Variants in GPR37 observed in about 807,000 individuals in gnomAD.
The protein encoded by GPR37 is prosaposin receptor GPR37.
In GPR37, 20 loss-of-function variants were observed where a neutral mutation model predicts 43.6. The observed-to-expected ratio is 0.46, with a 90% CI of 0.32 to 0.67. The LOEUF (loss-of-function observed/expected upper bound fraction) is 0.67. Among genes scored for constraint, GPR37 ranks in the 30% least tolerant of loss-of-function variants. The pLI is 0.03. For synonymous variants in GPR37, 315 were observed against 322.6 expected (o/e 0.98, Z 0.25); for missense variants, 724 against 797.2 (o/e 0.91, Z 1.11).
At chr7:124,761,398 CAT>C (rs1373579154) in intron 1 of GPR37, among the ~76,000 whole-genome samples, 2 of 152,138 alleles carry the variant, frequency 1.3e-5, no homozygotes, top group Non-Finnish European at 2.9e-5. Context: ...ATGACTGGTC[CAT>C]AAAGAGATGT....
At position 124,747,140 on chromosome 7, in the gene GPR37, C is replaced by T; in HGVS notation, c.1227G>A (p.Gly409=). The change falls in exon 2 of 2, where the codon GGG becomes GGA. Residue 409 remains glycine, a synonymous_variant. Transcript: ENST00000303921. ...TTTCTGCCGGAGCTCGGCCACTAAACCCCAAATCCTCCTTGCTCAGCTGGC... is the reference window on the plus strand; with the variant it reads ...TTTCTGCCGGAGCTCGGCCACTAAATCCCAAATCCTCCTTGCTCAGCTGGC... ...VLRQLSKEDL[G]FSGRAPAERC... 1 of 1,613,942 alleles carries T rather than the reference C, an allele frequency of 6.2e-7. No individual in the cohort carries two copies. The highest frequency in any genetic ancestry group is 8.5e-7 in the Non-Finnish European group (1 of 1,179,902).
At chr7:124,762,919 A>G (rs188379422) in intron 1 of GPR37, among the ~76,000 whole-genome samples, 33 of 152,292 alleles carry the variant, frequency 2.2e-4, no homozygotes, top group Admixed American at 2.0e-3. Flanking sequence ...AATGAAATGG[A>G]CAGTCTGAAT....
rs1280215942 is a variant in GPR37 at position 124,764,082 on chromosome 7, G to A, written c.895C>T (p.Leu299Phe). 1.2e-6 allele frequency: 2 copies of A among 1,614,186 alleles called. No homozygotes were observed. Among genetic ancestry groups the A allele is most frequent in the Non-Finnish European group, 8.5e-7 (1 of 1,180,018 alleles). ...TCCCAGAAGGCCAGGTTGGCCAAGA[G>A]GGAGTTGGAGATGCTCCGCATGTAG... Reference protein sequence around the residue: ...NYYMRSISNSLLANLAFWDFL... With the variant: ...NYYMRSISNSFLANLAFWDFL... Residue 299 changes from leucine to phenylalanine, a missense_variant, in exon 1 of 2, where the codon CTC becomes TTC. Leu to Phe is a conservative substitution (Grantham distance 22). Around this residue, in one of 2 missense-constraint regions of GPR37, gnomAD observed 342 missense variants for 441.8 expected, o/e 0.77. Transcript: ENST00000303921. The surrounding 1 kb of genome is among the most constrained non-coding windows in gnomAD (Gnocchi z 5.4).
At chr7:124,759,713 G>A (rs1345122492) in intron 1 of GPR37, among the ~76,000 whole-genome samples, 2 of 152,138 alleles carry the variant, frequency 1.3e-5, no homozygotes, top group East Asian at 1.9e-4. Context: ...AAAGGGAAAA[G>A]TCATCAACTA....
intron 1 of GPR37, among the ~76,000 whole-genome samples, chr7:124,752,896 C>T (rs1008019022): frequency 1.3e-5 from 2 of 151,926 alleles, no homozygotes; most frequent in Non-Finnish European, 2.9e-5. Context: ...GGAAAGAGAA[C>T]TTGAAGACCA....
At position 124,764,776 on chromosome 7, in the gene GPR37, CA is replaced by C; in HGVS notation, c.200del (p.Leu67ArgfsTer104). On this transcript the variant is annotated frameshift_variant, in exon 1 of 2. Coordinates refer to ENST00000303921, the MANE Select transcript of GPR37 (RefSeq NM_005302.5). LOFTEE classifies it high-confidence loss of function. This position sits in a 1 kb window ranked among gnomAD's most constrained non-coding sequence, Gnocchi z 5.4. ...GCTCCTCCCTGGGTGCTCGGGCTCG[CA>C]GAACGTCTCTTGCAGAATTTCCCGG... is the stretch of plus-strand genomic sequence containing the variant. ...WGPGNSARDV[L>X]RARAPREEQG... is the part of the protein sequence containing the mutation. The C allele has an allele frequency of 6.2e-7, 1 of 1,613,208 alleles. No homozygotes were observed. Among genetic ancestry groups the C allele is most frequent in the Non-Finnish European group, 8.5e-7 (1 of 1,179,984 alleles).
At chr7:124,763,718 G>T (rs1793876631) in intron 1 of GPR37, among the ~76,000 whole-genome samples, 1 of 152,120 alleles carries the variant, frequency 6.6e-6, no homozygotes, top group Admixed American at 6.5e-5. Flanking sequence ...TCTGTATATT[G>T]TGAGATCATC....
chr7:124,765,174 G>A lies in GPR37; in HGVS notation c.-198C>T. 4.1e-6 allele frequency: 2 copies of A among 482,968 alleles called. No individual in the cohort carries two copies. The highest frequency in any genetic ancestry group is 7.7e-5 in the Admixed American group (2 of 26,052). 29.9% of individuals were successfully genotyped at this position (482,968 alleles called of 1,614,324 possible). ...CGCCCCCTATAATCCTTCCTCCTTTGGCATCTTGTGCATTTCTCAGCCAAG... is the reference window on the plus strand; with the variant it reads ...CGCCCCCTATAATCCTTCCTCCTTTAGCATCTTGTGCATTTCTCAGCCAAG... On this transcript the variant is annotated 5_prime_UTR_variant, in exon 1 of 2. Coordinates refer to ENST00000303921, the MANE Select transcript of GPR37 (RefSeq NM_005302.5).
At chr7:124,759,267 C>G (rs962221107) in intron 1 of GPR37, among the ~76,000 whole-genome samples, 3 of 152,000 alleles carry the variant, frequency 2.0e-5, no homozygotes, top group Non-Finnish European at 4.4e-5. Context: ...GAGTTTCGCC[C>G]TGTTGGCCAG....
At position 124,763,942 on chromosome 7, in the gene GPR37, G is replaced by C. The variant is rs1793879857; in HGVS notation, c.1023+12C>G. On this transcript the variant is annotated intron_variant, in intron 1 of 1. Transcript: ENST00000303921. ...TAAAGCCACTAGCTTGAGAGCCCCT[G>C]GAAGGCATTACCTCTATATAGGGCA... The C allele has an allele frequency of 6.2e-7, 1 of 1,611,740 alleles. No homozygotes were observed. Among genetic ancestry groups the C allele is most frequent in the African/African-American group, 1.3e-5 (1 of 74,886 alleles).
At position 124,755,616 on chromosome 7, in the gene GPR37, T is replaced by C. The variant is rs936061198; in HGVS notation, c.1024-8273A>G. Among the ~76,000 whole-genome samples the C allele has an allele frequency of 2.2e-4, 33 of 152,164 alleles. 1 individual carries two copies. Among genetic ancestry groups the C allele is most frequent in the African/African-American group, 8.0e-4 (33 of 41,438 alleles). On this transcript the variant is annotated intron_variant, in intron 1 of 1. Transcript: ENST00000303921. ...CCTAACATGTTATAATTCCTATCAA[T>C]CTGTCAGGTGTTTATTAAAATAAAA...
rs1562960970 is a variant in GPR37, at chr7:124,764,420, GCT to G, written c.555_556del (p.Arg185SerfsTer42). ...GTGGTGGGAACCCTGGAGTTTCCCGGCTCTCCTTGGCCAGTAAAAAAGATCGC... is the reference window on the plus strand; with the variant it reads ...GTGGTGGGAACCCTGGAGTTTCCCGGCTCCTTGGCCAGTAAAAAAGATCGC... On this transcript the variant is annotated frameshift_variant, in exon 1 of 2. Transcript: ENST00000303921. LOFTEE classifies it high-confidence loss of function. The surrounding 1 kb of genome is among the most constrained non-coding windows in gnomAD (Gnocchi z 5.4). The G allele has an allele frequency of 6.2e-7, 1 of 1,613,598 alleles. No homozygotes were observed. Among genetic ancestry groups the G allele is most frequent in the African/African-American group, 1.3e-5 (1 of 75,048 alleles).
Position 124,745,357 on chromosome 7 carries a change from C to T in GPR37, c.*1168G>A, listed in dbSNP as rs1793658853. On this transcript the variant is annotated 3_prime_UTR_variant, in exon 2 of 2. Transcript: ENST00000303921. ...TTAGACATGTGTCCCACACAGCAAGCATCCTACACAACTGCTGCATTTTAA... is the reference window on the plus strand; with the variant it reads ...TTAGACATGTGTCCCACACAGCAAGTATCCTACACAACTGCTGCATTTTAA... 6.6e-6 allele frequency among the ~76,000 whole-genome samples: 1 copy of T among 152,162 alleles called. No homozygotes were observed. The highest frequency in any genetic ancestry group is 2.4e-5 in the African/African-American group (1 of 41,450).
At chr7:124,751,944 C>T (rs534760445) in intron 1 of GPR37, among the ~76,000 whole-genome samples, 3 of 151,846 alleles carry the variant, frequency 2.0e-5, no homozygotes, top group Non-Finnish European at 2.9e-5. Context: ...TCAAGATCAG[C>T]GGGAAAATAG....
At position 124,745,542 on chromosome 7, in the gene GPR37, G is replaced by T. The variant is rs1793661340; in HGVS notation, c.*983C>A. On this transcript the variant is annotated 3_prime_UTR_variant, in exon 2 of 2. Coordinates refer to ENST00000303921, the MANE Select transcript of GPR37 (RefSeq NM_005302.5). Reference sequence around the variant, plus strand: ...CTCCTATACTTTCATTGCACTTAAAGAAATTAAGTTGTATAGATTTCATCA... The same window carrying T: ...CTCCTATACTTTCATTGCACTTAAATAAATTAAGTTGTATAGATTTCATCA... 6.6e-6 allele frequency among the ~76,000 whole-genome samples: 1 copy of T among 151,952 alleles called. No homozygotes were observed. Among genetic ancestry groups the T allele is most frequent in the Admixed American group, 6.6e-5 (1 of 15,254 alleles).
At chr7:124,757,003 G>C (rs921828438) in intron 1 of GPR37, among the ~76,000 whole-genome samples, 2 of 152,116 alleles carry the variant, frequency 1.3e-5, no homozygotes, top group East Asian at 1.9e-4. Flanking sequence ...AGGATACTTT[G>C]CTGACATGGC....
chr7:124,761,411 A>G (rs1793849718), intron 1 of GPR37, among the ~76,000 whole-genome samples: 1 of 152,218 alleles, frequency 6.6e-6, no homozygotes, highest in Non-Finnish European at 1.5e-5. Context: ...AAAGAGATGT[A>G]AAGGCTGAGC....
At position 124,764,278 on chromosome 7, in the gene GPR37, C is replaced by T; in HGVS notation, c.699G>A (p.Gly233=). The T allele has an allele frequency of 6.2e-7, 1 of 1,600,956 alleles. No individual in the cohort carries two copies. Among genetic ancestry groups the T allele is most frequent in the Non-Finnish European group, 8.5e-7 (1 of 1,173,792 alleles). The part of the protein sequence containing the change: ...GSLGEGIHEP[G]GPRRGNSTNR... ...TCGTGCTGTTTCCCCGGCGGGGACC[C>T]CCAGGCTCATGGATTCCTTCACCCA... Residue 233 remains glycine, a synonymous_variant, in exon 1 of 2, where the codon GGG becomes GGA. Transcript: ENST00000303921. The surrounding 1 kb of genome is among the most constrained non-coding windows in gnomAD (Gnocchi z 5.4).
chr7:124,760,367 T>A (rs972671385), intron 1 of GPR37, among the ~76,000 whole-genome samples: 5 of 152,192 alleles, frequency 3.3e-5, no homozygotes, highest in African/African-American at 1.2e-4. Context: ...TGTAATGTCC[T>A]TCACCAATCT....
Sources: allele counts gnomAD v4.1 joint callset (sites outside exome capture counted in the v4.1 genomes callset), GRCh38; gene constraint gnomAD v4.1.1; regional missense constraint gnomAD v4.1.1; non-coding constraint Gnocchi (gnomAD v3.1); transcripts MANE v1.5; gene names NCBI Gene and HGNC (gene_info 2026-07-23, HGNC 2026-07-21).